Variants in HOXA3 observed in about 807,000 individuals in gnomAD.
HOXA3 encodes homeobox A3.
A neutral mutation model predicts 30.3 loss-of-function variants in HOXA3; 8 were observed. That is an observed-to-expected ratio of 0.26 (90% CI 0.15 to 0.48). The LOEUF (loss-of-function observed/expected upper bound fraction) is 0.48. Ranked by LOEUF, HOXA3 falls within the 20% of genes least tolerant of loss-of-function variation. The probability of loss-of-function intolerance (pLI) is 0.99; values close to 1 mark genes in which losing one functional copy is unlikely to be tolerated. For synonymous variants in HOXA3, 323 were observed against 273.1 expected (o/e 1.18, Z -1.80); for missense variants, 653 against 614.4 (o/e 1.06, Z -0.66).
At chr7:27,143,730 A>G in intron 1 of HOXA3, 1 of 1,440,514 alleles carries the variant, frequency 6.9e-7, no homozygotes, top group South Asian at 1.5e-5. Flanking sequence ...CCTCCTACGT[A>G]GGCACCCAAA....
intron 1 of HOXA3, chr7:27,145,763 G>C (rs773221274): frequency 1.2e-6 from 2 of 1,614,132 alleles, no homozygotes; most frequent in African/African-American, 1.3e-5. Context: ...ACCAGATCTT[G>C]ATCTGGCGCT....
chr7:27,142,140 C>T, intron 1 of HOXA3: 1 of 1,578,958 alleles, frequency 6.3e-7, no homozygotes, highest in Non-Finnish European at 8.6e-7. Flanking sequence ...CAAAGTCCGC[C>T]AGGGGGACAA....
intron 1 of HOXA3, chr7:27,140,479 G>T (rs554550058): frequency 1.3e-5 from 2 of 152,352 alleles, no homozygotes; most frequent in East Asian, 3.9e-4. Flanking sequence ...GTCGGTAAAT[G>T]TGCAAATCTC....
At chr7:27,151,426 G>T (rs962631502) in intron 1 of HOXA3, 2 of 344,458 alleles carry the variant, frequency 5.8e-6, no homozygotes, top group Admixed American at 7.7e-5. Context: ...GTGGATTGGG[G>T]GGTCCCCCTA....
chr7:27,142,792 T>G, intron 1 of HOXA3: 14 of 425,746 alleles, frequency 3.3e-5, no homozygotes, highest in South Asian at 7.1e-5. Flanking sequence ...TCCAGAGGGG[T>G]TTTTTGCTTC....
At chr7:27,133,893 G>A (rs1168321026) in intron 2 of HOXA3, among the ~76,000 whole-genome samples, 1 of 152,150 alleles carries the variant, frequency 6.6e-6, no homozygotes, top group East Asian at 1.9e-4. Flanking sequence ...TTTCATATTT[G>A]TTAGACGCAC....
rs771298838 is a variant in HOXA3 at position 27,108,689 on chromosome 7, C to G, written c.558G>C (p.Pro186=). ...GESCAGDKSP[P]GQASSKRART... is the part of the protein sequence containing the mutation. ...GCGCGCGCTTGGACGAAGCCTGCCCCGGCGGGCTCTTGTCGCCAGCGCAGC... is the reference window on the plus strand; with the variant it reads ...GCGCGCGCTTGGACGAAGCCTGCCCGGGCGGGCTCTTGTCGCCAGCGCAGC... Residue 186 remains proline (P), a synonymous_variant, in exon 6 of 6, where the codon CCG becomes CCC. Transcript: ENST00000612286. This position sits in a 1 kb window ranked among gnomAD's most constrained non-coding sequence, Gnocchi z 5.0. The G allele has an allele frequency of 4.4e-6, 7 of 1,606,402 alleles. No homozygotes were observed. In the East Asian group the frequency reaches 1.3e-4, roughly 31 times the overall value.
intron 4 of HOXA3, among the ~76,000 whole-genome samples, chr7:27,114,856 T>C (rs1464718629): frequency 1.9e-5 from 2 of 105,840 alleles, no homozygotes; most frequent in East Asian, 5.4e-4. Flanking sequence ...ATATATATTA[T>C]ATATATAATA....
rs908995932 is a variant in HOXA3 at position 27,145,670 on chromosome 7, C to T, written c.-493-5484G>A. On this transcript the variant is annotated intron_variant, in intron 1 of 5. Coordinates refer to ENST00000612286, the MANE Select transcript of HOXA3 (RefSeq NM_153631.3). ...CCTGCCCAGGCATCTACTCGCCCGC[C>T]TTTGCCTCTGAGTCCTCCCCGCTGG... 5 of 1,613,620 alleles carry T rather than the reference C, an allele frequency of 3.1e-6. No homozygotes were observed. The African/African-American group carries it at 6.7e-5, about 22-fold the overall frequency.
intron 1 of HOXA3, among the ~76,000 whole-genome samples, chr7:27,148,682 G>A (rs1782871459): frequency 6.6e-6 from 1 of 152,232 alleles, no homozygotes; most frequent in Admixed American, 6.5e-5. Context: ...AGAAAGGACC[G>A]ACAGAGCAGT....
At chr7:27,115,005 T>G (rs1784637018) in intron 4 of HOXA3, among the ~76,000 whole-genome samples, 1 of 147,700 alleles carries the variant, frequency 6.8e-6, no homozygotes, top group Non-Finnish European at 1.5e-5. Flanking sequence ...AAAGCCTCCT[T>G]TGCTCCCAGC....
In HOXA3 at chr7:27,108,344, G is replaced by C. The variant is rs768985843; in HGVS notation, c.903C>G (p.Pro301=). 1.1e-5 allele frequency: 17 copies of C among 1,513,842 alleles called. No individual in the cohort carries two copies. Among genetic ancestry groups the C allele is most frequent in the Non-Finnish European group, 9.0e-6 (10 of 1,114,434 alleles). 93.8% of individuals were successfully genotyped at this position (1,513,842 alleles called of 1,614,324 possible). A position where few individuals can be genotyped will look rare whatever the true frequency, so the allele number is the denominator to read the frequency against. The change falls in exon 6 of 6, where the codon CCC becomes CCG. Residue 301 remains proline, a synonymous_variant. Coordinates refer to ENST00000612286, the MANE Select transcript of HOXA3 (RefSeq NM_153631.3). The surrounding 1 kb of genome is among the most constrained non-coding windows in gnomAD (Gnocchi z 5.0). ...CGGGGGGCAGCCCGTAGGTACCCTG[G>C]GGGGGCTTGGAGAAGGGCGGGGGCG... ...PQSPPPFSKP[P]QGTYGLPPAS... is the part of the protein sequence containing the mutation.
At chr7:27,143,594 A>C (rs1782652932) in intron 1 of HOXA3, 1 of 1,596,104 alleles carries the variant, frequency 6.3e-7, no homozygotes, top group Non-Finnish European at 8.6e-7. Context: ...TGAGTTTACA[A>C]AATAAGAGCT....
rs1782733621 is a variant in HOXA3 at position 27,145,684 on chromosome 7, C to T, written c.-493-5498G>A. 28 of 1,613,910 alleles carry T rather than the reference C, an allele frequency of 1.7e-5. No homozygotes were observed. The highest frequency in any genetic ancestry group is 4.0e-5 in the African/African-American group (3 of 74,926). On this transcript the variant is annotated intron_variant, in intron 1 of 5. Transcript: ENST00000612286. ...TACTCGCCCGCCTTTGCCTCTGAGT[C>T]CTCCCCGCTGGGCTGCGTGGAATTG...
chr7:27,108,235 C>A lies in HOXA3; in HGVS notation c.1012G>T (p.Gly338Cys), dbSNP rs774237769. 1.3e-6 allele frequency: 2 copies of A among 1,519,484 alleles called. No individual in the cohort carries two copies. Among genetic ancestry groups the A allele is most frequent in the Non-Finnish European group, 1.8e-6 (2 of 1,134,064 alleles). The allele number at this position is 1,519,484 out of a possible 1,614,324, so 94.1% of individuals were successfully genotyped here. Residue 338 changes from glycine to cysteine, a missense_variant, in exon 6 of 6, where the codon GGC (glycine) becomes TGC (cysteine). Physicochemically the swap from Gly to Cys is radical, Grantham distance 159. Transcript: ENST00000612286. This position sits in a 1 kb window ranked among gnomAD's most constrained non-coding sequence, Gnocchi z 5.0. ...RYTAAGAGAG[G>C]TPDYDPHAHG... is the part of the protein sequence containing the mutation. ...GCGTGCGGGTCATAGTCGGGGGTGCCCCCTGCGCCCGCCCCTGCCGCCGTG... is the reference window on the plus strand; with the variant it reads ...GCGTGCGGGTCATAGTCGGGGGTGCACCCTGCGCCCGCCCCTGCCGCCGTG...
chr7:27,145,899 T>C, intron 1 of HOXA3: 1 of 1,613,268 alleles, frequency 6.2e-7, no homozygotes, highest in African/African-American at 1.3e-5. Flanking sequence ...TCGGCGCCCA[T>C]GGCTCCCATA....
chr7:27,133,956 AGT>A (rs1785640754), intron 2 of HOXA3: 1 of 152,244 alleles, frequency 6.6e-6, no homozygotes, highest in African/African-American at 2.4e-5. Flanking sequence ...AGGTCTATAC[AGT>A]GTCTTTTAGA....
intron 1 of HOXA3, chr7:27,147,748 A>G (rs372988125): frequency 2.5e-6 from 4 of 1,604,164 alleles, no homozygotes; most frequent in Non-Finnish European, 3.4e-6. Context: ...ATAGGAACTC[A>G]TTTGCGCGCC....
intron 2 of HOXA3, among the ~76,000 whole-genome samples, chr7:27,127,318 C>A (rs1288790051): frequency 6.6e-6 from 1 of 152,140 alleles, no homozygotes; most frequent in Non-Finnish European, 1.5e-5. Flanking sequence ...CCCGAATTTT[C>A]TTGGCTCTTC....
Sources: allele counts gnomAD v4.1 joint callset (sites outside exome capture counted in the v4.1 genomes callset), GRCh38; gene constraint gnomAD v4.1.1; non-coding constraint Gnocchi (gnomAD v3.1); transcripts MANE v1.5; gene names NCBI Gene and HGNC (gene_info 2026-07-23, HGNC 2026-07-21).